SKI: variants seen among roughly 807,000 people sequenced by gnomAD.
The protein encoded by SKI is SKI proto-oncogene, also known as ski oncogene.
SKI carries 23 observed loss-of-function variants against 59.3 expected under a neutral mutation model. The ratio of observed to expected loss-of-function variants is 0.39; its 90% confidence interval spans 0.28 to 0.55. The LOEUF (loss-of-function observed/expected upper bound fraction) is 0.55, where lower values mean the gene tolerates loss of function less well. Among genes scored for constraint, SKI ranks in the 20% least tolerant of loss-of-function variants. The probability of loss-of-function intolerance (pLI) is 0.67; values close to 1 mark genes in which losing one functional copy is unlikely to be tolerated. For synonymous variants in SKI, 673 were observed against 488.6 expected (o/e 1.38, Z -4.98); for missense variants, 1,017 against 1,038.9 (o/e 0.98, Z 0.29).
At chr1:2,244,369 G>C (rs566931453) in intron 1 of SKI, among the ~76,000 whole-genome samples, 19 of 152,194 alleles carry the variant, frequency 1.2e-4, no homozygotes, top group Non-Finnish European at 1.8e-4. Flanking sequence ...CTTGAGGTCA[G>C]GTTTTCAAGA....
intron 1 of SKI, among the ~76,000 whole-genome samples, chr1:2,260,004 G>C (rs752201383): frequency 3.9e-5 from 6 of 152,170 alleles, no homozygotes; most frequent in Non-Finnish European, 7.3e-5. Context: ...CGGGATACAC[G>C]GTTTTATTTC....
Position 2,229,776 on chromosome 1 carries a change from G to T in SKI, c.969+41G>T. 2 of 1,549,924 alleles carry T rather than the reference G, an allele frequency of 1.3e-6. No individual in the cohort carries two copies. The highest frequency in any genetic ancestry group is 1.7e-6 in the Non-Finnish European group (2 of 1,146,992). ...CCTGGGAGCTGGGGAGGATGCGCTT[G>T]GGGTGGGGGCCCCTTCTGGACTACA... On this transcript the variant is annotated intron_variant, in intron 1 of 6. Coordinates refer to ENST00000378536, the MANE Select transcript of SKI (RefSeq NM_003036.4). The surrounding 1 kb of genome is among the most constrained non-coding windows in gnomAD (Gnocchi z 6.3).
intron 1 of SKI, among the ~76,000 whole-genome samples, chr1:2,237,411 A>C (rs755147704): frequency 6.6e-6 from 1 of 152,140 alleles, no homozygotes; most frequent in African/African-American, 2.4e-5. Context: ...CTTCTTCTAC[A>C]GGGGAAACCA....
intron 1 of SKI, among the ~76,000 whole-genome samples, chr1:2,287,426 T>C (rs1366837161): frequency 3.4e-5 from 5 of 148,696 alleles, no homozygotes; most frequent in African/African-American, 1.3e-4. Flanking sequence ...AAGCTCCGCC[T>C]CCCGGGTTCA....
intron 1 of SKI, among the ~76,000 whole-genome samples, chr1:2,283,637 C>T (rs1335371570): frequency 6.6e-6 from 1 of 151,730 alleles, no homozygotes; most frequent in Non-Finnish European, 1.5e-5. Context: ...GCTTTGGGTA[C>T]CACGAGGGGC....
chr1:2,273,668 CAG>C (rs1441912039), intron 1 of SKI, among the ~76,000 whole-genome samples: 6 of 152,136 alleles, frequency 3.9e-5, no homozygotes, highest in African/African-American at 1.4e-4. Flanking sequence ...AGTGTGCGAC[CAG>C]AGTGTGGACC....
At chr1:2,302,434 C>A (rs1039253786) in intron 1 of SKI, among the ~76,000 whole-genome samples, 2 of 152,266 alleles carry the variant, frequency 1.3e-5, no homozygotes, top group East Asian at 3.9e-4. Flanking sequence ...GTGCCAGTGG[C>A]CCACAGGGAC....
Position 2,303,393 on chromosome 1 carries a change from C to T in SKI, c.1204C>T (p.Arg402Ter). ...ELSPHLPALIRDSFYSYKSFE... is the reference protein window; with the variant it reads ...ELSPHLPALI ...CTCCCCACACCTCCCGGCCCTCATC[C>T]GAGACAGGTGAGTGGGCGCCATTCA... The change falls in exon 3 of 7, where the codon CGA (arginine) becomes TGA (stop). Residue 402 changes from arginine to a stop codon, truncating the protein, a stop_gained. Transcript: ENST00000378536. LOFTEE classifies it high-confidence loss of function. This position sits in a 1 kb window ranked among gnomAD's most constrained non-coding sequence, Gnocchi z 5.6. The T allele has an allele frequency of 6.2e-7, 1 of 1,612,328 alleles. No individual in the cohort carries two copies.
At chr1:2,273,377 T>G (rs754000760) in intron 1 of SKI, among the ~76,000 whole-genome samples, 3 of 152,162 alleles carry the variant, frequency 2.0e-5, no homozygotes, top group Non-Finnish European at 4.4e-5. Flanking sequence ...GTCCCTATCC[T>G]GGTCAGAGGG....
chr1:2,229,343 G>T lies in SKI; in HGVS notation c.577G>T (p.Gly193Cys). 6.3e-7 allele frequency: 1 copy of T among 1,595,680 alleles called. No individual in the cohort carries two copies. Among genetic ancestry groups the T allele is most frequent in the Non-Finnish European group, 8.5e-7 (1 of 1,171,594 alleles). ...CCTGTGCAACGCGCTGCTCTACGGC[G>T]GCGCCTACCCGCCGCCCTGCAAGAA... ...ERLCNALLYG[G>C]AYPPPCKKEL... The change falls in exon 1 of 7, where the codon GGC becomes TGC. Residue 193 changes from glycine to cysteine, a missense_variant. By Grantham distance (159) the Gly-to-Cys change is radical (BLOSUM62 -3). Transcript: ENST00000378536. This position sits in a 1 kb window ranked among gnomAD's most constrained non-coding sequence, Gnocchi z 6.3.
At chr1:2,259,173 G>A (rs566891413) in intron 1 of SKI, among the ~76,000 whole-genome samples, 1 of 152,272 alleles carries the variant, frequency 6.6e-6, no homozygotes, top group Non-Finnish European at 1.5e-5. Context: ...AGTTTTACAG[G>A]TGCATGGCCA....
At chr1:2,286,727 G>A (rs1315806478) in intron 1 of SKI, among the ~76,000 whole-genome samples, 2 of 152,230 alleles carry the variant, frequency 1.3e-5, no homozygotes, top group Admixed American at 6.5e-5. Context: ...TGTGGGGGCT[G>A]TGGGCGCCTG....
intron 1 of SKI, among the ~76,000 whole-genome samples, chr1:2,233,887 C>A (rs1398855283): frequency 6.6e-6 from 1 of 152,190 alleles, no homozygotes; most frequent in Non-Finnish European, 1.5e-5. Context: ...AGCTCAGCGG[C>A]CGTGTGTGGG....
intron 1 of SKI, among the ~76,000 whole-genome samples, chr1:2,238,364 G>A (rs537338852): frequency 1.2e-4 from 19 of 152,350 alleles, no homozygotes; most frequent in African/African-American, 4.1e-4. Context: ...TGTTCCCTGC[G>A]CTTCCCTGGA....
intron 1 of SKI, among the ~76,000 whole-genome samples, chr1:2,296,364 C>G (rs1025596397): frequency 3.3e-5 from 5 of 152,204 alleles, no homozygotes; most frequent in Non-Finnish European, 7.3e-5. Flanking sequence ...CCACTACACT[C>G]CAGCCTGGGT....
rs191795931 is a variant in SKI, at chr1:2,286,972, G to A, written c.970-16006G>A. 5.3e-5 allele frequency among the ~76,000 whole-genome samples: 8 copies of A among 152,346 alleles called. No homozygotes were observed. In the East Asian group the frequency reaches 1.5e-3, roughly 29 times the overall value. ...AGAATGCCAATGATGGGGACAGAGC[G>A]TTAAGCCCAGGACATGGCTGCGTGC... On this transcript the variant is annotated intron_variant, in intron 1 of 6. Transcript: ENST00000378536.
intron 1 of SKI, among the ~76,000 whole-genome samples, chr1:2,273,894 C>T (rs1311904073): frequency 6.6e-6 from 1 of 152,156 alleles, no homozygotes; most frequent in East Asian, 1.9e-4. Context: ...GGATGCCTCT[C>T]CGCCCACCAC....
intron 1 of SKI, among the ~76,000 whole-genome samples, chr1:2,263,794 A>G (rs1027207114): frequency 1.4e-5 from 2 of 147,478 alleles, no homozygotes; most frequent in Non-Finnish European, 3.0e-5. Flanking sequence ...ATTGGCCAAT[A>G]TGGTGGTGAG....
At chr1:2,301,080 A>C (rs1640413316) in intron 1 of SKI, among the ~76,000 whole-genome samples, 1 of 151,986 alleles carries the variant, frequency 6.6e-6, no homozygotes, top group Admixed American at 6.5e-5. Flanking sequence ...AACTGAGCCG[A>C]ATTTCCGCGC....
Sources: allele counts gnomAD v4.1 joint callset (sites outside exome capture counted in the v4.1 genomes callset), GRCh38; gene constraint gnomAD v4.1.1; non-coding constraint Gnocchi (gnomAD v3.1); transcripts MANE v1.5; gene names NCBI Gene and HGNC (gene_info 2026-07-23, HGNC 2026-07-21).